Variants in MOB1B observed in about 807,000 individuals in gnomAD.
MOB1B encodes MOB1 Mps One Binder homolog B.
A neutral mutation model predicts 24.4 loss-of-function variants in MOB1B; 19 were observed. The ratio of observed to expected loss-of-function variants is 0.78; its 90% CI spans 0.54 to 1.14. MOB1B has a LOEUF of 1.14. Among genes scored for constraint, MOB1B ranks in the 50% most tolerant of loss-of-function variants. The pLI, the probability that MOB1B is intolerant of heterozygous loss-of-function variation, is 0.00. For missense variants in MOB1B, 243 were observed against 259.6 expected (o/e 0.94, Z 0.44); for synonymous variants, 76 against 82.1 (o/e 0.93, Z 0.40).
intron 1 of MOB1B, among the ~76,000 whole-genome samples, chr4:70,946,084 C>CTTT (rs11331194): frequency 5.4e-4 from 46 of 85,380 alleles, no homozygotes; most frequent in African/African-American, 1.6e-3. Context: ...TTTGTTTGTT[C>CTTT]TTTTTTTTTT....
intron 1 of MOB1B, among the ~76,000 whole-genome samples, chr4:70,923,726 G>A (rs1401975397): frequency 6.6e-6 from 1 of 151,884 alleles, no homozygotes; most frequent in Non-Finnish European, 1.5e-5. Flanking sequence ...AAGGCGGGCG[G>A]ATCACAAGAT....
At chr4:70,943,426 C>A (rs1737430377) in intron 1 of MOB1B, among the ~76,000 whole-genome samples, 1 of 152,178 alleles carries the variant, frequency 6.6e-6, no homozygotes, top group Non-Finnish European at 1.5e-5. Context: ...TAGCTCACAT[C>A]ATTTCTTATA....
chr4:70,975,674 CATT>C (rs1407943680), intron 4 of MOB1B: 20 of 956,430 alleles, frequency 2.1e-5, no homozygotes, highest in Non-Finnish European at 2.5e-5. Context: ...TTATGATCAT[CATT>C]GAGAATAAAC....
chr4:70,956,294 T>A (rs905683175), intron 1 of MOB1B, among the ~76,000 whole-genome samples: 2 of 152,018 alleles, frequency 1.3e-5, no homozygotes, highest in African/African-American at 2.4e-5. Context: ...TGAAAAAAAA[T>A]TTTAAATATA....
chr4:70,914,837 C>A (rs1014295439), intron 1 of MOB1B, among the ~76,000 whole-genome samples: 26 of 152,176 alleles, frequency 1.7e-4, no homozygotes, highest in Admixed American at 6.5e-5. Flanking sequence ...TGTACAGTCG[C>A]GGTTACTGCC....
At chr4:70,968,850 T>C (rs545929252) in intron 2 of MOB1B, among the ~76,000 whole-genome samples, 70 of 152,154 alleles carry the variant, frequency 4.6e-4, no homozygotes, top group Non-Finnish European at 9.7e-4. Context: ...CTTGAACTCC[T>C]GGCCTCAAGC....
At chr4:70,950,784 T>C in intron 1 of MOB1B, 1 of 1,531,594 alleles carries the variant, frequency 6.5e-7, no homozygotes, top group Admixed American at 2.0e-5. Flanking sequence ...CTTAGACCTA[T>C]GGAAGGAGCT....
Position 70,959,040 on chromosome 4 carries a change from A to G in MOB1B, c.181A>G (p.Thr61Ala). The G allele has an allele frequency of 1.9e-5, 31 of 1,613,490 alleles. No individual in the cohort carries two copies. Among genetic ancestry groups the G allele is most frequent in the Non-Finnish European group, 2.5e-5 (30 of 1,179,752 alleles). Residue 61 changes from threonine to alanine, a missense_variant and splice_region_variant, in exon 2 of 6, where the codon ACT (threonine) becomes GCT (alanine). Coordinates refer to ENST00000309395, the MANE Select transcript of MOB1B (RefSeq NM_173468.4). ...EDLNEWVAVN[T>A]VDFFNQINML... ...TCTCAATGAATGGGTTGCAGTTAAC[A>G]GTAAGTAGCCTTTTTATTTCTCAGT...
At chr4:70,918,997 T>C (rs1400875551) in intron 1 of MOB1B, among the ~76,000 whole-genome samples, 1 of 152,174 alleles carries the variant, frequency 6.6e-6, no homozygotes, top group Admixed American at 6.5e-5. Flanking sequence ...GATGAGTTCA[T>C]GTCCTTTGTA....
intron 5 of MOB1B, among the ~76,000 whole-genome samples, 175 bp downstream of exon 5, chr4:70,979,466 A>G (rs1248296833): frequency 2.0e-5 from 3 of 152,162 alleles, no homozygotes; most frequent in African/African-American, 7.2e-5. Flanking sequence ...AAATTTTATT[A>G]GTTTCCAAGT....
intron 1 of MOB1B, among the ~76,000 whole-genome samples, chr4:70,952,659 A>AG (rs1737858732): frequency 6.7e-6 from 1 of 150,184 alleles, no homozygotes; most frequent in Non-Finnish European, 1.5e-5. Context: ...AAAAAAAAAA[A>AG]CAAAACAAAA....
intron 3 of MOB1B, among the ~76,000 whole-genome samples, chr4:70,971,703 G>A (rs1405093777): frequency 6.6e-6 from 1 of 152,078 alleles, no homozygotes; most frequent in African/African-American, 2.4e-5. Context: ...AGCTTCACTT[G>A]TGAAAATAGA....
intron 1 of MOB1B, among the ~76,000 whole-genome samples, chr4:70,954,398 T>A (rs1236751666): frequency 2.0e-5 from 3 of 152,236 alleles, no homozygotes; most frequent in African/African-American, 7.2e-5. Context: ...TAGTAGCTGA[T>A]GTGTGTCAAA....
At chr4:70,906,922 A>G (rs7656348) in intron 1 of MOB1B, among the ~76,000 whole-genome samples, 4,247 of 152,266 alleles carry the variant, frequency 0.028, 195 homozygotes, top group African/African-American at 0.095. Context: ...GATAGATGCA[A>G]TACAATCATG....
rs192143930 is a variant in MOB1B, at chr4:70,927,457, T to C, written c.14+24907T>C. ...TGGGAGGCTGAGGCAGGAGAATCGCTTGAACCTGGGAGGCGGAGGTTGCAG... is the reference window on the plus strand; with the variant it reads ...TGGGAGGCTGAGGCAGGAGAATCGCCTGAACCTGGGAGGCGGAGGTTGCAG... On this transcript the variant is annotated intron_variant, in intron 1 of 5. Coordinates refer to ENST00000309395, the MANE Select transcript of MOB1B (RefSeq NM_173468.4). Among the ~76,000 whole-genome samples, 705 of 152,128 alleles carry C rather than the reference T, an allele frequency of 4.6e-3. 2 individuals carry two copies. The highest frequency in any genetic ancestry group is 5.8e-3 in the Non-Finnish European group (392 of 68,010).
intron 2 of MOB1B, among the ~76,000 whole-genome samples, chr4:70,968,030 A>G (rs1378675181): frequency 6.6e-6 from 1 of 152,016 alleles, no homozygotes; most frequent in East Asian, 1.9e-4. Context: ...AATTTTTTGT[A>G]GTGATGGGAT....
chr4:70,973,935 A>G (rs551311184), intron 3 of MOB1B, among the ~76,000 whole-genome samples: 4 of 152,236 alleles, frequency 2.6e-5, no homozygotes, highest in Non-Finnish European at 2.9e-5. Flanking sequence ...TTTTTCTGTT[A>G]TATATTGTCA....
chr4:70,930,013 C>G (rs1047497003), intron 1 of MOB1B, among the ~76,000 whole-genome samples: 1 of 151,998 alleles, frequency 6.6e-6, no homozygotes, highest in African/African-American at 2.4e-5. Context: ...TCTCAGCCTC[C>G]CAAAGTGTTG....
At chr4:70,906,110 G>T (rs1417035138) in intron 1 of MOB1B, among the ~76,000 whole-genome samples, 2 of 151,914 alleles carry the variant, frequency 1.3e-5, no homozygotes, top group African/African-American at 4.8e-5. Flanking sequence ...GGGCATAATG[G>T]CTCAGGCCTG....
Sources: allele counts gnomAD v4.1 joint callset (sites outside exome capture counted in the v4.1 genomes callset), GRCh38; gene constraint gnomAD v4.1.1; transcripts MANE v1.5; gene names NCBI Gene and HGNC (gene_info 2026-07-23, HGNC 2026-07-21).